The following KDM7A variants were observed in gnomAD, a reference collection of about 807,000 sequenced individuals.
KDM7A encodes lysine demethylase 7A.
A neutral mutation model predicts 114.8 loss-of-function variants in KDM7A; 28 were observed. That is an observed-to-expected ratio of 0.24 (90% CI 0.18 to 0.33). The LOEUF (loss-of-function observed/expected upper bound fraction) is 0.33, where lower values mean the gene tolerates loss of function less well. KDM7A is among the 10% of genes least tolerant of loss of function. The pLI, the probability that KDM7A is intolerant of heterozygous loss-of-function variation, is 1.00. For synonymous variants in KDM7A, 423 were observed against 397.8 expected (o/e 1.06, Z -0.75); for missense variants, 942 against 1,142.5 (o/e 0.82, Z 2.53).
At chr7:140,091,726 G>A in intron 19 of KDM7A, 78 bp downstream of exon 19, 3 of 1,492,108 alleles carry the variant, frequency 2.0e-6, no homozygotes, top group Non-Finnish European at 2.8e-6. Flanking sequence ...CTTGAGTGCA[G>A]AGACTACACC....
chr7:140,115,055 G>T (rs889319173), intron 9 of KDM7A, among the ~76,000 whole-genome samples: 3 of 150,676 alleles, frequency 2.0e-5, no homozygotes, highest in African/African-American at 4.9e-5. Context: ...CCCCTGCTCG[G>T]CCAGCCGCCC....
At chr7:140,108,743 G>A (rs1386108488) in intron 11 of KDM7A, among the ~76,000 whole-genome samples, 1 of 152,232 alleles carries the variant, frequency 6.6e-6, no homozygotes, top group East Asian at 1.9e-4. Flanking sequence ...GAGGCAGTCT[G>A]TCCGTTCTCA....
At chr7:140,134,698 A>G (rs749214807) in intron 2 of KDM7A, among the ~76,000 whole-genome samples, 1 of 152,198 alleles carries the variant, frequency 6.6e-6, no homozygotes, top group East Asian at 1.9e-4. Flanking sequence ...ACATGGATAG[A>G]TATGTGTTAG....
chr7:140,094,670 C>T (rs534938965), intron 17 of KDM7A: 21 of 153,266 alleles, frequency 1.4e-4, no homozygotes, highest in Admixed American at 1.9e-4. Context: ...TTGATTCTCT[C>T]AAAGACTGTC....
chr7:140,171,055 C>T (rs1001604057), intron 1 of KDM7A, among the ~76,000 whole-genome samples: 27 of 117,570 alleles, frequency 2.3e-4, no homozygotes, highest in African/African-American at 1.0e-3. Context: ...GTACTGAGAC[C>T]CCCATCCCCC....
At chr7:140,157,470 T>G (rs547525729) in intron 1 of KDM7A, among the ~76,000 whole-genome samples, 4 of 151,234 alleles carry the variant, frequency 2.6e-5, no homozygotes, top group African/African-American at 9.7e-5. Flanking sequence ...CTGGGCAACA[T>G]AGTGAGACTC....
chr7:140,126,885 G>A (rs1017003042), intron 5 of KDM7A, 62 bp from the exon 6 acceptor site: 2 of 1,266,016 alleles, frequency 1.6e-6, no homozygotes, highest in African/African-American at 3.0e-5. Flanking sequence ...CTTAAGAATT[G>A]TTTTTCTCAT....
chr7:140,100,665 T>TATATATATATATACACACAC (rs1562945826), intron 12 of KDM7A, among the ~76,000 whole-genome samples: 3 of 40,660 alleles, frequency 7.4e-5, no homozygotes, highest in Non-Finnish European at 1.5e-4. Context: ...AAAAGTTATA[T>TATATATATATATACACACAC]ATATATATAT....
At position 140,115,895 on chromosome 7, in the gene KDM7A, A is replaced by T. The variant is rs1267233713; in HGVS notation, c.1247-2313T>A. On this transcript the variant is annotated intron_variant, in intron 9 of 19. Transcript: ENST00000397560. ...AAATGTCATACAATATTTTTATCAT[A>T]AAAAAAAAAGGCTTATACACATATG... is the stretch of plus-strand genomic sequence containing the variant. Among the ~76,000 whole-genome samples the T allele has an allele frequency of 4.6e-4, 11 of 24,148 alleles. No homozygotes were observed. The East Asian group carries it at 8.1e-3, about 18-fold the overall frequency. The allele number at this position is 24,148 out of a possible 152,430, so 15.8% of individuals were successfully genotyped here.
chr7:140,166,577 A>G (rs1021050501), intron 1 of KDM7A, among the ~76,000 whole-genome samples: 1 of 152,074 alleles, frequency 6.6e-6, no homozygotes, highest in Admixed American at 6.5e-5. Context: ...GACTCACGCC[A>G]TCCACCCACC....
At chr7:140,151,893 T>TA (rs2116836793) in intron 1 of KDM7A, among the ~76,000 whole-genome samples, 1 of 152,326 alleles carries the variant, frequency 6.6e-6, no homozygotes, top group South Asian at 2.1e-4. Flanking sequence ...TTCTAGGGCC[T>TA]AATGAAACCT....
At chr7:140,157,521 G>A (rs1404167007) in intron 1 of KDM7A, among the ~76,000 whole-genome samples, 1 of 152,154 alleles carries the variant, frequency 6.6e-6, no homozygotes, top group Non-Finnish European at 1.5e-5. Context: ...GGGTGTGTTG[G>A]TGCATGCCTG....
At chr7:140,117,389 GT>G (rs1818548214) in intron 9 of KDM7A, among the ~76,000 whole-genome samples, 1 of 148,140 alleles carries the variant, frequency 6.8e-6, no homozygotes, top group Non-Finnish European at 1.5e-5. Flanking sequence ...CTCTTAATTT[GT>G]TTTAAGAAGT....
intron 1 of KDM7A, among the ~76,000 whole-genome samples, chr7:140,172,633 A>G (rs1794658760): frequency 6.6e-6 from 1 of 152,116 alleles, no homozygotes; most frequent in Non-Finnish European, 1.5e-5. Flanking sequence ...AGCCTGGGCG[A>G]CAGAGCGAAA....
rs1818600414 is a variant in KDM7A at position 140,120,452 on chromosome 7, T to C, written c.1129A>G (p.Met377Val). The change falls in exon 8 of 20, where the codon ATG becomes GTG. Residue 377 changes from methionine to valine, a missense_variant. Transcript: ENST00000397560. ...GNFLHNLNIG[M>V]QLRCYEMEKR... is the part of the protein sequence containing the mutation. The stretch of plus-strand genomic sequence containing the variant: ...ACTGATGACACAAACCTGAGCTGCA[T>C]GCCAATGTTAAGGTTGTGCAGGAAG... The C allele has an allele frequency of 6.2e-7, 1 of 1,607,446 alleles. No individual in the cohort carries two copies. Among genetic ancestry groups the C allele is most frequent in the African/African-American group, 1.3e-5 (1 of 74,782 alleles).
intron 13 of KDM7A, 66 bp from the exon 14 acceptor site, chr7:140,099,099 C>T: frequency 8.4e-7 from 1 of 1,185,080 alleles, no homozygotes; most frequent in Non-Finnish European, 1.2e-6. Context: ...GTATTTATTC[C>T]CCTCTCCCTT....
rs144106079 is a variant in KDM7A, at chr7:140,133,279, C to G, written c.398+260G>C. Among the ~76,000 whole-genome samples, 5 of 152,290 alleles carry G rather than the reference C, an allele frequency of 3.3e-5. No homozygotes were observed. In the East Asian group the frequency reaches 9.6e-4, roughly 29 times the overall value. The stretch of plus-strand genomic sequence containing the variant: ...TTCAAACTTTTTGGACTGTGGCCCA[C>G]ACTTAAATGTTTTTACAGGGTGACC... On this transcript the variant is annotated intron_variant, in intron 3 of 19. Coordinates refer to ENST00000397560, the MANE Select transcript of KDM7A (RefSeq NM_030647.2).
chr7:140,144,807 C>A (rs1461988663), intron 1 of KDM7A, among the ~76,000 whole-genome samples: 1 of 152,024 alleles, frequency 6.6e-6, no homozygotes, highest in African/African-American at 2.4e-5. Flanking sequence ...GTCATAGGGG[C>A]AGATCCCTCA....
At chr7:140,165,670 A>G (rs141165403) in intron 1 of KDM7A, among the ~76,000 whole-genome samples, 15 of 152,280 alleles carry the variant, frequency 9.9e-5, no homozygotes, top group African/African-American at 3.4e-4. Flanking sequence ...CCTGCCCACA[A>G]GTCTCTGAGT....
Sources: gnomAD v4.1 joint callset for allele counts (sites outside exome capture counted in the v4.1 genomes callset) on GRCh38, gnomAD v4.1.1 for gene constraint, MANE v1.5 for transcripts, NCBI Gene and HGNC (gene_info 2026-07-23, HGNC 2026-07-21) for gene names.